The following LIN28B variants were observed in gnomAD, a reference collection of about 807,000 sequenced individuals.
LIN28B encodes the protein protein lin-28 homolog B.
In LIN28B, 5 loss-of-function variants were observed where a neutral mutation model predicts 21.9. The observed-to-expected ratio is 0.23, with a 90% confidence interval of 0.12 to 0.48. LIN28B has a LOEUF of 0.48. Among genes scored for constraint, LIN28B ranks in the 20% least tolerant of loss-of-function variants. The pLI is 0.98. For missense variants in LIN28B, 245 were observed against 310.5 expected, an observed-to-expected ratio of 0.79 and a Z score of 1.58; for synonymous variants, 109 against 111.3, an observed-to-expected ratio of 0.98 and a Z score of 0.13.
chr6:105,032,732 A>AT (rs1241986153), intron 3 of LIN28B, among the ~76,000 whole-genome samples: 3 of 151,412 alleles, frequency 2.0e-5, no homozygotes, highest in Middle Eastern at 3.2e-3. Context: ...AAAAAAAAAA[A>AT]TTTTTTTTAA....
At chr6:104,994,921 A>G (rs895904081) in intron 2 of LIN28B, among the ~76,000 whole-genome samples, 26 of 152,204 alleles carry the variant, frequency 1.7e-4, no homozygotes, top group Non-Finnish European at 2.8e-4. Context: ...TTCTTGCTGT[A>G]TTGCAGACTG....
At chr6:105,040,911 T>A (rs1238240684) in intron 3 of LIN28B, among the ~76,000 whole-genome samples, 2 of 152,182 alleles carry the variant, frequency 1.3e-5, no homozygotes, top group East Asian at 3.9e-4. Flanking sequence ...TTATTTCTTT[T>A]ATTTTTTTAT....
intron 2 of LIN28B, among the ~76,000 whole-genome samples, chr6:104,970,908 A>G (rs1430403152): frequency 6.6e-6 from 1 of 152,178 alleles, no homozygotes. Context: ...TGATATTTAT[A>G]TACTTTTTTT....
At chr6:104,989,834 C>G (rs868722560) in intron 2 of LIN28B, among the ~76,000 whole-genome samples, 13 of 152,050 alleles carry the variant, frequency 8.5e-5, no homozygotes, top group African/African-American at 2.9e-4. Context: ...TCAAGTGATC[C>G]ACCTGCCTCA....
At chr6:104,975,802 G>C (rs575942722) in intron 2 of LIN28B, among the ~76,000 whole-genome samples, 4 of 151,158 alleles carry the variant, frequency 2.6e-5, no homozygotes, top group East Asian at 1.9e-4. Flanking sequence ...CTACAGGTGC[G>C]TGCCACCATG....
upstream of LIN28B, among the ~76,000 whole-genome samples, chr6:104,956,170 C>T (rs563712187): frequency 5.1e-4 from 78 of 152,038 alleles, 2 homozygotes; most frequent in African/African-American, 1.7e-3. Flanking sequence ...TTCTCTCCCA[C>T]CTCTTTCTTT....
chr6:104,989,576 GTTTTTTTTTTTTTT>G (rs34394074), intron 2 of LIN28B, among the ~76,000 whole-genome samples: 1 of 60,572 alleles, frequency 1.7e-5, no homozygotes, highest in Admixed American at 2.7e-4. Flanking sequence ...TTTTACTTGG[GTTTTTTTTTTTTTT>G]TTTTTTTTTT....
chr6:105,020,532 T>C (rs1341764988), intron 2 of LIN28B, among the ~76,000 whole-genome samples: 1 of 151,938 alleles, frequency 6.6e-6, no homozygotes, highest in Non-Finnish European at 1.5e-5. Flanking sequence ...TTGCACAGGC[T>C]GGCCTAGAAC....
chr6:105,078,616 G>A lies in LIN28B; in HGVS notation c.586G>A (p.Gly196Arg), dbSNP rs1562116813. ...CACTTCAACTCTCCCTCGAGAAGTG[G>A]GAGGCGGGCATGGCTGTACATCACC... ...PCTSTLPREV[G>R]GGHGCTSPPF... The change falls in exon 4 of 4, where the codon GGA (glycine) becomes AGA (arginine). Residue 196 changes from glycine to arginine, a missense_variant. Coordinates refer to ENST00000345080, the MANE Select transcript of LIN28B (RefSeq NM_001004317.4). 3.1e-6 allele frequency: 5 copies of A among 1,614,146 alleles called. No individual in the cohort carries two copies. The East Asian group carries it at 6.7e-5, about 22-fold the overall frequency.
At chr6:104,998,784 A>C (rs1770663838) in intron 2 of LIN28B, among the ~76,000 whole-genome samples, 1 of 152,192 alleles carries the variant, frequency 6.6e-6, no homozygotes, top group East Asian at 1.9e-4. Flanking sequence ...TATTTAACTA[A>C]AGTGAGTAAA....
chr6:105,061,557 A>G (rs116520401), intron 3 of LIN28B, among the ~76,000 whole-genome samples: 3,394 of 124,054 alleles, frequency 0.027, 131 homozygotes, highest in African/African-American at 0.099. Flanking sequence ...TTCATCTACC[A>G]TGAATTGTCT....
chr6:104,991,518 C>T (rs1770478812), intron 2 of LIN28B, among the ~76,000 whole-genome samples: 1 of 151,712 alleles, frequency 6.6e-6, no homozygotes, highest in African/African-American at 2.4e-5. Flanking sequence ...AGGCGCTCCT[C>T]ACTTCCCAGA....
intron 2 of LIN28B, among the ~76,000 whole-genome samples, chr6:104,999,465 G>A (rs183036009): frequency 6.6e-6 from 1 of 152,178 alleles, no homozygotes; most frequent in Non-Finnish European, 1.5e-5. Flanking sequence ...CCTAATACTA[G>A]CAAGGTTGCA....
chr6:105,026,702 C>T (rs1160943308), intron 3 of LIN28B, among the ~76,000 whole-genome samples: 1 of 152,040 alleles, frequency 6.6e-6, no homozygotes, highest in Admixed American at 6.6e-5. Flanking sequence ...GTTCCTTGAC[C>T]ACCTTTTCCA....
intron 3 of LIN28B, among the ~76,000 whole-genome samples, chr6:105,068,911 A>T (rs1772272725): frequency 6.6e-6 from 1 of 152,142 alleles, no homozygotes. Context: ...CAAGAAAGTA[A>T]TTTTCTATTT....
chr6:104,978,913 C>A (rs974703436), intron 2 of LIN28B, among the ~76,000 whole-genome samples: 9 of 152,142 alleles, frequency 5.9e-5, no homozygotes, highest in Admixed American at 3.9e-4. Flanking sequence ...GCATGGCATT[C>A]TTCTGGCAAC....
intron 2 of LIN28B, among the ~76,000 whole-genome samples, chr6:105,002,952 G>T (rs1290791973): frequency 6.6e-6 from 1 of 152,206 alleles, no homozygotes; most frequent in Non-Finnish European, 1.5e-5. Flanking sequence ...AGACCTTAAA[G>T]ACAGGAAACA....
intron 2 of LIN28B, among the ~76,000 whole-genome samples, chr6:104,991,575 G>T (rs1435678282): frequency 6.6e-6 from 1 of 152,106 alleles, no homozygotes; most frequent in Non-Finnish European, 1.5e-5. Flanking sequence ...AAGATGGGCG[G>T]CCGGGCAGAG....
intron 2 of LIN28B, among the ~76,000 whole-genome samples, chr6:104,991,626 G>A (rs958251535): frequency 1.3e-5 from 2 of 152,120 alleles, no homozygotes; most frequent in Non-Finnish European, 2.9e-5. Flanking sequence ...CCGGGCAGAG[G>A]CTGCAATCTC....
Sources: gnomAD v4.1 joint callset for allele counts (sites outside exome capture counted in the v4.1 genomes callset) on GRCh38, gnomAD v4.1.1 for gene constraint, MANE v1.5 for transcripts, NCBI Gene and HGNC (gene_info 2026-07-23, HGNC 2026-07-21) for gene names.